POU2F2: variants seen among roughly 807,000 people sequenced by gnomAD.
The protein encoded by POU2F2 is POU class 2 homeobox 2.
In POU2F2, 14 loss-of-function variants were observed where a neutral mutation model predicts 63.5. The ratio of observed to expected loss-of-function variants is 0.22; its 90% CI spans 0.15 to 0.34. The LOEUF (loss-of-function observed/expected upper bound fraction) is 0.34. Ranked by LOEUF, POU2F2 falls within the 10% of genes least tolerant of loss-of-function variation. POU2F2 has a pLI of 1.00. For synonymous variants in POU2F2, 306 were observed against 348.6 expected (o/e 0.88, Z 1.36); for missense variants, 607 against 815.2 (o/e 0.74, Z 3.11).
chr19:42,154,208 G>A (rs973355498), intron 2 of POU2F2, among the ~76,000 whole-genome samples: 4 of 152,000 alleles, frequency 2.6e-5, no homozygotes, highest in African/African-American at 9.7e-5. Context: ...GGGGGGACAG[G>A]GAGGGGGAGC....
intron 1 of POU2F2, among the ~76,000 whole-genome samples, chr19:42,184,030 C>G (rs1447675007): frequency 7.2e-6 from 1 of 139,444 alleles, no homozygotes; most frequent in African/African-American, 2.7e-5. Context: ...GACAGGGTCT[C>G]TCTCCTCCCT....
intron 11 of POU2F2, 58 bp from the exon 12 acceptor site, chr19:42,093,953 G>A: frequency 6.7e-7 from 1 of 1,484,080 alleles, no homozygotes; most frequent in East Asian, 2.3e-5. Context: ...CCCCCGTGAT[G>A]CTCCCTGTAG....
At position 42,152,340 on chromosome 19, in the gene POU2F2, TG is replaced by T. The variant is rs1285424044; in HGVS notation, c.-9+7991del. Among the ~76,000 whole-genome samples the T allele has an allele frequency of 6.6e-6, 1 of 151,778 alleles. No individual in the cohort carries two copies. Among genetic ancestry groups the T allele is most frequent in the African/African-American group, 2.4e-5 (1 of 41,292 alleles). On this transcript the variant is annotated intron_variant, in intron 2 of 6. Coordinates refer to the POU2F2 transcript ENST00000524801. This position sits in a 1 kb window ranked among gnomAD's most constrained non-coding sequence, Gnocchi z 4.1. ...CGGGCCTCTTTTGGAGGGGGTGGGA[TG>T]GGCTCACACATGCCCCCACAGCCTG...
At chr19:42,134,012 G>A (rs138407264), upstream of POU2F2, among the ~76,000 whole-genome samples, 4 of 152,200 alleles carry the variant, frequency 2.6e-5, no homozygotes, top group Non-Finnish European at 5.9e-5. Flanking sequence ...ACAACATCCC[G>A]TATCGTAAAG....
chr19:42,106,054 C>A (rs376276759), intron 5 of POU2F2, among the ~76,000 whole-genome samples: 1 of 85,414 alleles, frequency 1.2e-5, no homozygotes, highest in Non-Finnish European at 2.5e-5. Flanking sequence ...TTTCTTTCTT[C>A]TTTCTTTCTT....
intron 2 of POU2F2, among the ~76,000 whole-genome samples, chr19:42,139,313 G>A (rs2034081723): frequency 6.6e-6 from 1 of 152,076 alleles, no homozygotes; most frequent in East Asian, 1.9e-4. Flanking sequence ...GAGCGAGACT[G>A]TCTCTGAAAA....
rs374408282 is a variant in POU2F2, at chr19:42,095,536, G to A, written c.1020+9C>T. 7 of 1,600,036 alleles carry A rather than the reference G, an allele frequency of 4.4e-6. No homozygotes were observed. Among genetic ancestry groups the A allele is most frequent in the Non-Finnish European group, 6.0e-6 (7 of 1,172,874 alleles). ...CAGGTGAGGGCCACCCAGGAGAGGGGGGCCTCACCGCTAGAAAACTCTTCT... is the reference window on the plus strand; with the variant it reads ...CAGGTGAGGGCCACCCAGGAGAGGGAGGCCTCACCGCTAGAAAACTCTTCT... On this transcript the variant is annotated intron_variant, in intron 10 of 14. Coordinates refer to ENST00000692977, the MANE Select transcript of POU2F2 (RefSeq NM_001394376.1). The surrounding 1 kb of genome is among the most constrained non-coding windows in gnomAD (Gnocchi z 7.1).
intron 1 of POU2F2, among the ~76,000 whole-genome samples, chr19:42,186,574 G>A (rs2035015207): frequency 6.6e-6 from 1 of 151,872 alleles, no homozygotes; most frequent in Admixed American, 6.6e-5. Flanking sequence ...GCCGCTGATG[G>A]GTTTTCATCA....
chr19:42,179,212 C>T (rs2034932356), upstream of POU2F2, among the ~76,000 whole-genome samples: 1 of 150,848 alleles, frequency 6.6e-6, no homozygotes, highest in Non-Finnish European at 1.5e-5. Context: ...AAAGGGCAGA[C>T]AGGAGGGGAG....
chr19:42,138,329 C>T (rs373088561), intron 2 of POU2F2, among the ~76,000 whole-genome samples: 2 of 152,160 alleles, frequency 1.3e-5, no homozygotes, highest in East Asian at 3.9e-4. Flanking sequence ...AAGATTGGGG[C>T]AGGTGGAAGA....
At chr19:42,143,318 C>T (rs2034165821) in intron 2 of POU2F2, among the ~76,000 whole-genome samples, 1 of 152,128 alleles carries the variant, frequency 6.6e-6, no homozygotes, top group African/African-American at 2.4e-5. Flanking sequence ...AGCTGCTGCA[C>T]TCCACCCTGG....
At chr19:42,191,061 G>C (rs1255798513) in intron 1 of POU2F2, among the ~76,000 whole-genome samples, 1 of 143,974 alleles carries the variant, frequency 6.9e-6, no homozygotes, top group African/African-American at 2.6e-5. Flanking sequence ...GTGACAGAGC[G>C]AGACTCAGTT....
Position 42,096,553 on chromosome 19 carries a change from C to T in POU2F2, c.568-310G>A, listed in dbSNP as rs776679752. On this transcript the variant is annotated intron_variant, in intron 7 of 14. Coordinates refer to ENST00000692977, the MANE Select transcript of POU2F2 (RefSeq NM_001394376.1). The surrounding 1 kb of genome is among the most constrained non-coding windows in gnomAD (Gnocchi z 4.1). Reference sequence around the variant, plus strand: ...CAGCTTTTTGTGCCAGGGCTCTTTCCCTGGAGCTGGAGGCAGTGGTTCATC... The same window carrying T: ...CAGCTTTTTGTGCCAGGGCTCTTTCTCTGGAGCTGGAGGCAGTGGTTCATC... Among the ~76,000 whole-genome samples the T allele has an allele frequency of 6.6e-6, 1 of 152,200 alleles. No homozygotes were observed. The highest frequency in any genetic ancestry group is 1.5e-5 in the Non-Finnish European group (1 of 68,028).
Position 42,148,326 on chromosome 19 carries a change from A to G in POU2F2, c.-9+12006T>C, listed in dbSNP as rs149307270. Among the ~76,000 whole-genome samples, 609 of 152,348 alleles carry G rather than the reference A, an allele frequency of 4.0e-3. 2 individuals are homozygous for G. Among genetic ancestry groups the G allele is most frequent in the South Asian group, 0.014 (69 of 4,826 alleles). On this transcript the variant is annotated intron_variant, in intron 2 of 6. Coordinates refer to the POU2F2 transcript ENST00000524801. ...TTTTGTTTGACGGTAATGCCAAAAA[A>G]TTCATAACTAGTGAAAAGTAAGCAC...
At position 42,089,463 on chromosome 19, in the gene POU2F2, CT is replaced by C. The variant is rs1444588691; in HGVS notation, c.*1793del. On this transcript the variant is annotated 3_prime_UTR_variant, in exon 15 of 15. Transcript: ENST00000692977. The stretch of plus-strand genomic sequence containing the variant: ...GAGGGGAGTTTGGGGCTCTTCACCC[CT>C]GTCCCTGATACCCTCTCTCAGCCCC... 5 of 152,384 alleles carry C rather than the reference CT, an allele frequency of 3.3e-5. No homozygotes were observed. The highest frequency in any genetic ancestry group is 4.8e-5 in the African/African-American group (2 of 41,356). 9.4% of individuals were successfully genotyped at this position (152,384 alleles called of 1,614,324 possible). A position where few individuals can be genotyped will look rare whatever the true frequency, so the allele number is the denominator to read the frequency against.
chr19:42,161,398 C>A (rs1430268041), intron 1 of POU2F2, among the ~76,000 whole-genome samples: 2 of 152,036 alleles, frequency 1.3e-5, no homozygotes, highest in Admixed American at 1.3e-4. Flanking sequence ...TTGGAAAGGT[C>A]CTTCTACCTC....
rs1252122850 is a variant in POU2F2, at chr19:42,091,262, C to G, written c.1870G>C (p.Glu624Gln). The change falls in exon 15 of 15, where the codon GAG (glutamate) becomes CAG (glutamine). Residue 624 changes from glutamate to glutamine, a missense_variant. Physicochemically the swap from Glu to Gln is conservative, Grantham distance 29. This residue lies in a region of POU2F2 where 270 missense variants were observed against 307.5 expected (regional missense o/e 0.88). Coordinates refer to ENST00000692977, the MANE Select transcript of POU2F2 (RefSeq NM_001394376.1). The stretch of plus-strand genomic sequence containing the variant: ...AGGGGAGGCATGGCTGGCCCTCACT[C>G]AGGTTTGGACCCTGCCTCGGGCCCC... ...PGGPEAGSKPE is the reference protein window; with the variant it reads ...PGGPEAGSKPQ 1.2e-5 allele frequency: 19 copies of G among 1,526,982 alleles called. No homozygotes were observed. Among genetic ancestry groups the G allele is most frequent in the Non-Finnish European group, 1.6e-5 (18 of 1,142,632 alleles). The allele number at this position is 1,526,982 out of a possible 1,614,324, so 94.6% of individuals were successfully genotyped here.
intron 5 of POU2F2, among the ~76,000 whole-genome samples, chr19:42,115,980 T>C (rs2031799125): frequency 6.6e-6 from 1 of 152,126 alleles, no homozygotes; most frequent in South Asian, 2.1e-4. Flanking sequence ...TACTAAGCTA[T>C]GGAACACCAA....
rs1253011340 is a variant in POU2F2 at position 42,156,641 on chromosome 19, G to GA, written c.-9+3690dup. The GA allele has an allele frequency of 6.6e-6, 1 of 152,336 alleles. No homozygotes were observed. The highest frequency in any genetic ancestry group is 1.5e-5 in the Non-Finnish European group (1 of 68,062). 9.4% of individuals were successfully genotyped at this position (152,336 alleles called of 1,614,324 possible). ...CCAAAGCCCCCAGGGGTGTAATTCA[G>GA]AAGGAGGCAGACTGGGCCTGGGGCA... On this transcript the variant is annotated intron_variant, in intron 2 of 6. Transcript: ENST00000524801. This position sits in a 1 kb window ranked among gnomAD's most constrained non-coding sequence, Gnocchi z 4.1.
Sources: gnomAD v4.1 joint callset for allele counts (sites outside exome capture counted in the v4.1 genomes callset) on GRCh38, gnomAD v4.1.1 for gene constraint, gnomAD v4.1.1 regional missense constraint, Gnocchi (gnomAD v3.1) non-coding constraint, MANE v1.5 for transcripts, NCBI Gene and HGNC (gene_info 2026-07-23, HGNC 2026-07-21) for gene names.